Variants in BABAM2 observed in about 807,000 individuals in gnomAD.
The protein encoded by BABAM2 is BRISC and BRCA1 A complex member 2.
In BABAM2, 31 loss-of-function variants were observed where a neutral mutation model predicts 54.7. The ratio of observed to expected loss-of-function variants is 0.57; its 90% CI spans 0.43 to 0.77. BABAM2 has a LOEUF of 0.77. Among genes scored for constraint, BABAM2 ranks in the 30% least tolerant of loss-of-function variants. The pLI is 0.00. For synonymous variants in BABAM2, 167 were observed against 162.9 expected (o/e 1.03, Z -0.19); for missense variants, 364 against 455.8 (o/e 0.80, Z 1.83).
intron 7 of BABAM2, among the ~76,000 whole-genome samples, chr2:28,181,784 ATTTT>A (rs538738175): frequency 9.1e-5 from 13 of 142,540 alleles, no homozygotes; most frequent in South Asian, 2.3e-4. Context: ...CACCAATAAA[ATTTT>A]TTTTTTAAAA....
At chr2:28,295,025 A>G (rs1228341514) in intron 10 of BABAM2, among the ~76,000 whole-genome samples, 1 of 152,226 alleles carries the variant, frequency 6.6e-6, no homozygotes, top group Non-Finnish European at 1.5e-5. Flanking sequence ...GCTGTTTTTT[A>G]AAAATCAGAA....
At chr2:27,952,270 G>T (rs1351863219) in intron 3 of BABAM2, among the ~76,000 whole-genome samples, 3 of 152,180 alleles carry the variant, frequency 2.0e-5, no homozygotes, top group African/African-American at 4.8e-5. Context: ...TGTCAATTGG[G>T]ATGTTTAGAC....
At chr2:28,052,735 T>C (rs1678093113) in intron 6 of BABAM2, among the ~76,000 whole-genome samples, 2 of 152,202 alleles carry the variant, frequency 1.3e-5, no homozygotes, top group Non-Finnish European at 2.9e-5. Flanking sequence ...TTCTTTTATA[T>C]TGTTAGGAGA....
At chr2:27,946,730 T>C (rs6547816) in intron 3 of BABAM2, among the ~76,000 whole-genome samples, 111,800 of 151,480 alleles carry the variant, frequency 0.74, 42,216 homozygotes, top group Middle Eastern at 0.88. Flanking sequence ...AGAGAGAGAG[T>C]GAGCGAGAGG....
chr2:28,261,775 C>T (rs1198869417), intron 10 of BABAM2, among the ~76,000 whole-genome samples: 1 of 150,662 alleles, frequency 6.6e-6, no homozygotes, highest in African/African-American at 2.4e-5. Flanking sequence ...TTTCCCCTCC[C>T]CTCCCCTCCC....
intron 10 of BABAM2, among the ~76,000 whole-genome samples, chr2:28,293,401 GA>G (rs1687444624): frequency 1.3e-5 from 2 of 152,164 alleles, no homozygotes; most frequent in Non-Finnish European, 1.5e-5. Flanking sequence ...GTTTGCTTGG[GA>G]AGGTAGAAAT....
chr2:27,913,860 G>A (rs1013410659), intron 2 of BABAM2, among the ~76,000 whole-genome samples: 1 of 152,098 alleles, frequency 6.6e-6, no homozygotes, highest in African/African-American at 2.4e-5. Context: ...AGTGATTTGG[G>A]TAACACTTCA....
At chr2:27,911,885 C>T (rs1454584586) in intron 2 of BABAM2, among the ~76,000 whole-genome samples, 1 of 152,122 alleles carries the variant, frequency 6.6e-6, no homozygotes, top group East Asian at 1.9e-4. Flanking sequence ...AGGAATAGGA[C>T]GTGCCTCCTC....
chr2:28,132,499 G>C (rs1160487873), intron 7 of BABAM2, among the ~76,000 whole-genome samples: 2 of 151,966 alleles, frequency 1.3e-5, no homozygotes, highest in African/African-American at 4.8e-5. Flanking sequence ...TTTTTCGGTT[G>C]CTTCCCCTCA....
chr2:28,169,414 G>A (rs750459089), intron 7 of BABAM2, among the ~76,000 whole-genome samples: 4 of 152,078 alleles, frequency 2.6e-5, no homozygotes, highest in Admixed American at 6.6e-5. Flanking sequence ...AACCTGAGTG[G>A]AGTGTTTTTA....
chr2:28,212,540 A>C (rs899748456), intron 7 of BABAM2, among the ~76,000 whole-genome samples: 3 of 152,218 alleles, frequency 2.0e-5, no homozygotes, highest in Non-Finnish European at 2.9e-5. Flanking sequence ...TTTATCAGAT[A>C]ATATGAGCGT....
chr2:28,324,827 C>T (rs566569645), intron 11 of BABAM2, among the ~76,000 whole-genome samples: 166 of 152,172 alleles, frequency 1.1e-3, no homozygotes, highest in African/African-American at 3.8e-3. Context: ...GAAAAGAAAA[C>T]TTACTTTCCA....
At chr2:28,106,736 C>A (rs569380473) in intron 6 of BABAM2, among the ~76,000 whole-genome samples, 2 of 152,170 alleles carry the variant, frequency 1.3e-5, no homozygotes, top group East Asian at 3.9e-4. Context: ...TTACTTTTTT[C>A]CCCTTTGTCA....
intron 6 of BABAM2, among the ~76,000 whole-genome samples, chr2:28,105,301 C>G (rs1207464315): frequency 6.6e-6 from 1 of 152,014 alleles, no homozygotes; most frequent in Non-Finnish European, 1.5e-5. Context: ...CTGGACTTAC[C>G]CACTGATGAA....
At chr2:28,115,671 A>C (rs553276459) in intron 6 of BABAM2, among the ~76,000 whole-genome samples, 1 of 151,932 alleles carries the variant, frequency 6.6e-6, no homozygotes, top group East Asian at 1.9e-4. Flanking sequence ...TAAAAAAAAG[A>C]GTAGGTCCAA....
At chr2:28,306,569 T>A (rs917712632) in intron 11 of BABAM2, among the ~76,000 whole-genome samples, 2 of 152,172 alleles carry the variant, frequency 1.3e-5, no homozygotes, top group Non-Finnish European at 2.9e-5. Flanking sequence ...ATGGTATATA[T>A]TTTTTTCATC....
At chr2:28,324,938 AG>A (rs1290786402) in intron 11 of BABAM2, among the ~76,000 whole-genome samples, 1 of 152,252 alleles carries the variant, frequency 6.6e-6, no homozygotes, top group African/African-American at 2.4e-5. Flanking sequence ...GAAAATAAGT[AG>A]CATGATATCT....
intron 10 of BABAM2, among the ~76,000 whole-genome samples, chr2:28,254,215 C>T (rs1041177481): frequency 6.6e-6 from 1 of 151,958 alleles, no homozygotes; most frequent in African/African-American, 2.4e-5. Context: ...TCGGCTCATT[C>T]CAGCCCTGCT....
chr2:28,090,805 A>G (rs1377276628), intron 6 of BABAM2, among the ~76,000 whole-genome samples: 1 of 152,172 alleles, frequency 6.6e-6, no homozygotes. Flanking sequence ...GCTTTAGAGG[A>G]CAAGGGTTCA....
Sources: gnomAD v4.1 joint callset for allele counts (sites outside exome capture counted in the v4.1 genomes callset) on GRCh38, gnomAD v4.1.1 for gene constraint, MANE v1.5 for transcripts, NCBI Gene and HGNC (gene_info 2026-07-23, HGNC 2026-07-21) for gene names.